SNX29: variants seen among roughly 807,000 people sequenced by gnomAD.
SNX29 encodes the protein sorting nexin-29.
A neutral mutation model predicts 102.1 loss-of-function variants in SNX29; 78 were observed. The observed-to-expected ratio is 0.76, with a 90% CI of 0.64 to 0.92. The LOEUF is 0.92. SNX29 is among the 40% of genes least tolerant of loss of function. SNX29 has a pLI of 0.00. For missense variants in SNX29, 1,280 were observed against 1,061.7 expected (o/e 1.21, Z -2.86); for synonymous variants, 580 against 414.5 (o/e 1.40, Z -4.85).
At chr16:12,512,976 C>G (rs991352751) in intron 19 of SNX29, among the ~76,000 whole-genome samples, 2 of 152,088 alleles carry the variant, frequency 1.3e-5, no homozygotes, top group African/African-American at 2.4e-5. Context: ...TCGATGGGGC[C>G]TTGCTTCCCT....
At chr16:12,332,566 C>T (rs1473287820) in intron 15 of SNX29, among the ~76,000 whole-genome samples, 1 of 152,122 alleles carries the variant, frequency 6.6e-6, no homozygotes, top group Admixed American at 6.5e-5. Context: ...TGAGGAAGAC[C>T]CAGTGCTGCA....
chr16:12,260,377 C>T (rs570005736), intron 14 of SNX29, among the ~76,000 whole-genome samples: 1 of 152,314 alleles, frequency 6.6e-6, no homozygotes, highest in African/African-American at 2.4e-5. Context: ...CGTCTTCCTT[C>T]TCATCCTTCA....
At chr16:12,447,877 G>A (rs1276650975) in intron 18 of SNX29, among the ~76,000 whole-genome samples, 2 of 152,126 alleles carry the variant, frequency 1.3e-5, no homozygotes, top group East Asian at 3.9e-4. Flanking sequence ...TGTCTCCATT[G>A]CTGGCACGGT....
intron 14 of SNX29, among the ~76,000 whole-genome samples, chr16:12,256,178 G>T (rs2078566859): frequency 1.3e-5 from 2 of 152,186 alleles, no homozygotes; most frequent in South Asian, 2.1e-4. Flanking sequence ...TCTTCCTTGA[G>T]AAATGTCTAT....
At chr16:12,454,318 C>T (rs1358833141) in intron 18 of SNX29, among the ~76,000 whole-genome samples, 1 of 152,132 alleles carries the variant, frequency 6.6e-6, no homozygotes, top group Non-Finnish European at 1.5e-5. Context: ...GCAGCCATCC[C>T]AATTCTGGAC....
chr16:12,041,837 G>A (rs539595706), intron 4 of SNX29, among the ~76,000 whole-genome samples: 2 of 152,270 alleles, frequency 1.3e-5, no homozygotes, highest in South Asian at 4.1e-4. Flanking sequence ...AGAGAATTCT[G>A]GAGCTTAGGA....
At chr16:12,543,271 G>A (rs11640817) in intron 20 of SNX29, among the ~76,000 whole-genome samples, 7,242 of 152,256 alleles carry the variant, frequency 0.048, 230 homozygotes, top group Non-Finnish European at 0.071. Flanking sequence ...GGTCATCAGC[G>A]CATGCATCTG....
At chr16:12,477,607 GAC>G in intron 18 of SNX29, 110 bp from the exon 19 acceptor site, 5 of 1,283,894 alleles carry the variant, frequency 3.9e-6, no homozygotes, top group Non-Finnish European at 5.5e-6. Context: ...AGTGGTGTGT[GAC>G]ACAGATGTGA....
intron 20 of SNX29, among the ~76,000 whole-genome samples, chr16:12,563,229 G>C (rs1185878947): frequency 6.6e-6 from 1 of 152,088 alleles, no homozygotes. Context: ...CCCTGAAAGT[G>C]GCCTCCCCAT....
chr16:12,551,921 C>A (rs118029916), intron 20 of SNX29, among the ~76,000 whole-genome samples: 1 of 152,190 alleles, frequency 6.6e-6, no homozygotes, highest in Non-Finnish European at 1.5e-5. Context: ...CCCTACCACA[C>A]AGAGCCACTG....
intron 20 of SNX29, among the ~76,000 whole-genome samples, chr16:12,548,234 G>C (rs544619563): frequency 6.6e-6 from 1 of 152,302 alleles, no homozygotes; most frequent in African/African-American, 2.4e-5. Context: ...CACAGTGTTA[G>C]GTTACATTTC....
chr16:12,480,754 A>G (rs1198561516), intron 19 of SNX29, among the ~76,000 whole-genome samples: 1 of 152,246 alleles, frequency 6.6e-6, no homozygotes, highest in East Asian at 1.9e-4. Flanking sequence ...ATTTGAGTTT[A>G]GTGAGATGAG....
intron 13 of SNX29, among the ~76,000 whole-genome samples, chr16:12,181,005 T>A (rs2076371693): frequency 6.6e-6 from 1 of 152,158 alleles, no homozygotes. Flanking sequence ...TTCTGTAGCT[T>A]TTTCCCTCAC....
chr16:12,270,284 C>A (rs939309390), intron 14 of SNX29, among the ~76,000 whole-genome samples: 1 of 152,192 alleles, frequency 6.6e-6, no homozygotes, highest in African/African-American at 2.4e-5. Flanking sequence ...AGAATTCAGT[C>A]ACAATTGATT....
rs999231279 is a variant in SNX29 at position 11,992,398 on chromosome 16, A to T, written c.8-6899A>T. Among the ~76,000 whole-genome samples, 7 of 119,276 alleles carry T rather than the reference A, an allele frequency of 5.9e-5. 1 individual carries two copies. Among genetic ancestry groups the T allele is most frequent in the South Asian group, 5.0e-4 (2 of 4,024 alleles). The allele number at this position is 119,276 out of a possible 152,430, so 78.2% of individuals were successfully genotyped here. The stretch of plus-strand genomic sequence containing the variant: ...ATTTAGTACAGTTGCATTGTTGAGC[A>T]ATCAGCCCTCTATCTAGTTTCAAAA... On this transcript the variant is annotated intron_variant, in intron 1 of 20. Coordinates refer to ENST00000566228, the MANE Select transcript of SNX29 (RefSeq NM_032167.5).
At chr16:12,268,746 G>A (rs1285838923) in intron 14 of SNX29, among the ~76,000 whole-genome samples, 1 of 152,116 alleles carries the variant, frequency 6.6e-6, no homozygotes, top group African/African-American at 2.4e-5. Flanking sequence ...ATCTCACACT[G>A]TTTGCATCTG....
chr16:12,530,783 T>C (rs1245175078), intron 20 of SNX29, among the ~76,000 whole-genome samples: 3 of 152,224 alleles, frequency 2.0e-5, no homozygotes, highest in African/African-American at 4.8e-5. Flanking sequence ...CTCAAACTCC[T>C]GACCTCCAGT....
chr16:12,125,419 T>C lies in SNX29; in HGVS notation c.1403-1214T>C, dbSNP rs1232696835. Among the ~76,000 whole-genome samples, 3 of 151,942 alleles carry C rather than the reference T, an allele frequency of 2.0e-5. No individual in the cohort carries two copies. The East Asian group carries it at 5.8e-4, about 29-fold the overall frequency. ...GTGATATCAGTCATTTTGATGTTGATAAAAACACAGGTGCCTCGTCCAAGA... is the reference window on the plus strand; with the variant it reads ...GTGATATCAGTCATTTTGATGTTGACAAAAACACAGGTGCCTCGTCCAAGA... On this transcript the variant is annotated intron_variant, in intron 11 of 20. Coordinates refer to ENST00000566228, the MANE Select transcript of SNX29 (RefSeq NM_032167.5).
At chr16:12,567,924 T>G (rs1442257343) in intron 20 of SNX29, among the ~76,000 whole-genome samples, 2 of 152,212 alleles carry the variant, frequency 1.3e-5, no homozygotes, top group South Asian at 2.1e-4. Context: ...ACACACGCTG[T>G]GTGTTCGCGT....
Sources: allele counts gnomAD v4.1 joint callset (sites outside exome capture counted in the v4.1 genomes callset), GRCh38; gene constraint gnomAD v4.1.1; transcripts MANE v1.5; gene names NCBI Gene and HGNC (gene_info 2026-07-23, HGNC 2026-07-21).